LRFN5: variants seen among roughly 807,000 people sequenced by gnomAD.
The protein encoded by LRFN5 is leucine rich repeat and fibronectin type III domain containing 5, also known as leucine-rich repeat and fibronectin type-III domain-containing protein 5.
In LRFN5, 24 loss-of-function variants were observed where a neutral mutation model predicts 45.6. The observed-to-expected ratio is 0.53, with a 90% CI of 0.38 to 0.74. LRFN5 has a LOEUF of 0.74. Among genes scored for constraint, LRFN5 ranks in the 30% least tolerant of loss-of-function variants. The pLI is 0.00. For synonymous variants in LRFN5, 340 were observed against 313.8 expected (o/e 1.08, Z -0.88); for missense variants, 776 against 861.5 (o/e 0.90, Z 1.24).
intron 2 of LRFN5, among the ~76,000 whole-genome samples, chr14:41,848,493 AT>A (rs34564376): frequency 2.0e-5 from 3 of 151,036 alleles, no homozygotes; most frequent in South Asian, 2.1e-4. Context: ...CTTCTGCATT[AT>A]TTTTTTTTCG....
At chr14:41,666,125 A>C (rs2138647624) in intron 1 of LRFN5, among the ~76,000 whole-genome samples, 1 of 152,172 alleles carries the variant, frequency 6.6e-6, no homozygotes, top group East Asian at 1.9e-4. Context: ...AAGCAACAGA[A>C]GTCACATATT....
intron 2 of LRFN5, among the ~76,000 whole-genome samples, chr14:41,883,001 A>G (rs1594493143): frequency 6.6e-6 from 1 of 151,626 alleles, no homozygotes; most frequent in Non-Finnish European, 1.5e-5. Context: ...GTTGCACGCC[A>G]CCACAGCCGG....
chr14:41,706,112 T>A (rs1295039584), intron 1 of LRFN5, among the ~76,000 whole-genome samples: 2 of 152,194 alleles, frequency 1.3e-5, no homozygotes, highest in East Asian at 1.9e-4. Context: ...TTTTTTGTTT[T>A]TTTTTGACAC....
chr14:41,771,194 T>G (rs1284994426), intron 2 of LRFN5, among the ~76,000 whole-genome samples: 1 of 150,144 alleles, frequency 6.7e-6, no homozygotes, highest in Non-Finnish European at 1.5e-5. Flanking sequence ...CTCCTGGGCC[T>G]CTGGCCCTGG....
chr14:41,732,682 G>GT (rs906109734), intron 1 of LRFN5, among the ~76,000 whole-genome samples: 26 of 151,682 alleles, frequency 1.7e-4, no homozygotes, highest in African/African-American at 6.0e-4. Flanking sequence ...CAAATGTATA[G>GT]TTTTCAGAAA....
At chr14:41,646,487 G>A (rs1375007843) in intron 1 of LRFN5, among the ~76,000 whole-genome samples, 1 of 152,152 alleles carries the variant, frequency 6.6e-6, no homozygotes, top group Admixed American at 6.6e-5. Flanking sequence ...CAAGGGAGAA[G>A]TCTCAGGGAC....
chr14:41,742,047 C>T (rs540752895), intron 1 of LRFN5, among the ~76,000 whole-genome samples: 4 of 151,754 alleles, frequency 2.6e-5, no homozygotes, highest in African/African-American at 9.6e-5. Flanking sequence ...AAGAAATGGA[C>T]CCTTTGTACA....
At chr14:41,901,766 A>C (rs1326244052) in intron 5 of LRFN5, among the ~76,000 whole-genome samples, 4 of 152,070 alleles carry the variant, frequency 2.6e-5, no homozygotes, top group Non-Finnish European at 4.4e-5. Context: ...TTTTATACAC[A>C]TGATGCAAAT....
intron 2 of LRFN5, among the ~76,000 whole-genome samples, chr14:41,855,859 A>G (rs766158917): frequency 6.6e-6 from 1 of 152,216 alleles, no homozygotes; most frequent in African/African-American, 2.4e-5. Flanking sequence ...GAAACTATGT[A>G]TCACTGTAGA....
intron 3 of LRFN5, among the ~76,000 whole-genome samples, chr14:41,890,395 G>T (rs1890735011): frequency 6.6e-6 from 1 of 151,988 alleles, no homozygotes; most frequent in South Asian, 2.1e-4. Flanking sequence ...ATTAAAAAAG[G>T]ATTATATTTG....
intron 1 of LRFN5, among the ~76,000 whole-genome samples, chr14:41,692,241 A>T (rs1041097216): frequency 6.6e-6 from 1 of 151,934 alleles, no homozygotes; most frequent in African/African-American, 2.4e-5. Context: ...ATTTGTAACT[A>T]TTTGTCATTA....
chr14:41,740,485 A>G (rs1016161410), intron 1 of LRFN5, among the ~76,000 whole-genome samples: 1 of 152,020 alleles, frequency 6.6e-6, no homozygotes, highest in African/African-American at 2.4e-5. Flanking sequence ...CAGAAAAAAC[A>G]TTTGACTACA....
At chr14:41,645,686 G>A (rs768314887) in intron 1 of LRFN5, among the ~76,000 whole-genome samples, 77 of 152,240 alleles carry the variant, frequency 5.1e-4, no homozygotes, top group Middle Eastern at 3.4e-3. Flanking sequence ...CTCTTCATGG[G>A]TCATGATTCA....
chr14:41,775,611 A>G (rs1304898867), intron 2 of LRFN5, among the ~76,000 whole-genome samples: 1 of 152,170 alleles, frequency 6.6e-6, no homozygotes, highest in Non-Finnish European at 1.5e-5. Flanking sequence ...TAGTTCCATT[A>G]CAGGCAAATA....
At chr14:41,633,913 C>T (rs373868776) in intron 1 of LRFN5, among the ~76,000 whole-genome samples, 1 of 151,988 alleles carries the variant, frequency 6.6e-6, no homozygotes, top group African/African-American at 2.4e-5. Flanking sequence ...CTGCTAGATA[C>T]CAATTAGTGT....
At chr14:41,801,697 T>C (rs555480183) in intron 2 of LRFN5, among the ~76,000 whole-genome samples, 85 of 152,264 alleles carry the variant, frequency 5.6e-4, no homozygotes, top group Non-Finnish European at 1.0e-3. Context: ...ACAGAGTGTG[T>C]TGGAGATGGT....
At chr14:41,633,175 A>G (rs1376501516) in intron 1 of LRFN5, among the ~76,000 whole-genome samples, 1 of 152,148 alleles carries the variant, frequency 6.6e-6, no homozygotes, top group African/African-American at 2.4e-5. Context: ...AATGACTGCT[A>G]TTATGATGCC....
chr14:41,893,987 C>G (rs914980816), intron 4 of LRFN5: 1 of 984,414 alleles, frequency 1.0e-6, no homozygotes, highest in African/African-American at 1.7e-5. Flanking sequence ...TAGTAATGCT[C>G]TAATTCCAAC....
chr14:41,639,949 A>ATTTTTTTTTTTTTTTTTTTTTTTTTTTT (rs34020254), intron 1 of LRFN5, among the ~76,000 whole-genome samples: 2 of 68,036 alleles, frequency 2.9e-5, no homozygotes, highest in Non-Finnish European at 5.3e-5. Context: ...TGACTGGCTA[A>ATTTTTTTTTTTTTTTTTTTTTTTTTTTT]TTTTTTTTTT....
Sources: allele counts gnomAD v4.1 joint callset (sites outside exome capture counted in the v4.1 genomes callset), GRCh38; gene constraint gnomAD v4.1.1; transcripts MANE v1.5; gene names NCBI Gene and HGNC (gene_info 2026-07-23, HGNC 2026-07-21).